Variants in SKOR2 observed in about 807,000 individuals in gnomAD.
The protein encoded by SKOR2 is SKI family transcriptional corepressor 2, also known as LBX1 corepressor 1-like protein.
Under a neutral mutation model 69.1 loss-of-function variants are expected in SKOR2, and 47 were observed. The observed-to-expected ratio is 0.68, with a 90% CI of 0.54 to 0.87. The LOEUF (loss-of-function observed/expected upper bound fraction) is 0.87, where lower values mean the gene tolerates loss of function less well. Among genes scored for constraint, SKOR2 ranks in the 40% least tolerant of loss-of-function variants. The probability of loss-of-function intolerance (pLI) is 0.00; values close to 1 mark genes in which losing one functional copy is unlikely to be tolerated. For synonymous variants in SKOR2, 717 were observed against 672.6 expected (o/e 1.07, Z -1.02); for missense variants, 1,404 against 1,472.2 (o/e 0.95, Z 0.76).
intron 6 of SKOR2, among the ~76,000 whole-genome samples, chr18:47,223,626 G>A (rs377109040): frequency 1.3e-5 from 2 of 152,140 alleles, no homozygotes; most frequent in African/African-American, 2.4e-5. Context: ...GTAACAGAAC[G>A]AGGCACATTT....
At chr18:47,250,388 A>G (rs990939831) in intron 1 of SKOR2, among the ~76,000 whole-genome samples, 6 of 152,254 alleles carry the variant, frequency 3.9e-5, no homozygotes, top group Non-Finnish European at 7.3e-5. Flanking sequence ...GCGGAAAGAA[A>G]TTTTAGTGAC....
intron 6 of SKOR2, among the ~76,000 whole-genome samples, chr18:47,228,293 AT>A (rs1271417591): frequency 1.3e-5 from 2 of 152,160 alleles, no homozygotes; most frequent in South Asian, 2.1e-4. Context: ...AAAGAGGAAA[AT>A]TTTTTTTGTT....
chr18:47,215,670 T>C (rs1568083299), intron 7 of SKOR2, among the ~76,000 whole-genome samples: 1 of 152,156 alleles, frequency 6.6e-6, no homozygotes, highest in Non-Finnish European at 1.5e-5. Flanking sequence ...TTGAGGCTTT[T>C]AATGAAGAAC....
Sources: allele counts gnomAD v4.1 joint callset (sites outside exome capture counted in the v4.1 genomes callset), GRCh38; gene constraint gnomAD v4.1.1; transcripts MANE v1.5; gene names NCBI Gene and HGNC (gene_info 2026-07-23, HGNC 2026-07-21).